The following FBXO40 variants were observed in gnomAD, a reference collection of about 807,000 sequenced individuals.
FBXO40 encodes the protein F-box protein 40.
A neutral mutation model predicts 49.9 loss-of-function variants in FBXO40; 50 were observed. The ratio of observed to expected loss-of-function variants is 1.00; its 90% CI spans 0.80 to 1.27. FBXO40 has a LOEUF of 1.27. Among genes scored for constraint, FBXO40 ranks in the 50% most tolerant of loss-of-function variants. The pLI is 0.00. For missense variants in FBXO40, 895 were observed against 870.1 expected (o/e 1.03, Z -0.36); for synonymous variants, 340 against 320.2 (o/e 1.06, Z -0.66).
intron 1 of FBXO40, among the ~76,000 whole-genome samples, chr3:121,598,697 C>G (rs930118460): frequency 6.6e-6 from 1 of 152,112 alleles, no homozygotes; most frequent in African/African-American, 2.4e-5. Flanking sequence ...AAGAAGTGGG[C>G]AGAATTTGCC....
chr3:121,624,585 G>A (rs753857604), intron 3 of FBXO40, among the ~76,000 whole-genome samples: 34 of 152,256 alleles, frequency 2.2e-4, no homozygotes, highest in Non-Finnish European at 3.2e-4. Flanking sequence ...TAAATGGAGC[G>A]TGTCAGCAGG....
chr3:121,607,707 G>A (rs1239062726), intron 1 of FBXO40, among the ~76,000 whole-genome samples: 1 of 152,094 alleles, frequency 6.6e-6, no homozygotes, highest in African/African-American at 2.4e-5. Context: ...CCCCTACATA[G>A]AGGCATTTAA....
chr3:121,628,330 T>C lies in FBXO40; in HGVS notation c.*1420T>C, dbSNP rs976136009. ...TAGCTGGGATTACTCGCCTGGCTAA[T>C]TTTGTATTTTTAGTAGAGACGGGCT... On this transcript the variant is annotated 3_prime_UTR_variant, in exon 4 of 4. Coordinates refer to ENST00000338040, the MANE Select transcript of FBXO40 (RefSeq NM_016298.4). 6.5e-6 allele frequency: 1 copy of C among 153,642 alleles called. No homozygotes were observed. The highest frequency in any genetic ancestry group is 2.4e-5 in the African/African-American group (1 of 41,470). 9.5% of individuals were successfully genotyped at this position (153,642 alleles called of 1,614,324 possible). A position where few individuals can be genotyped will look rare whatever the true frequency, so the allele number is the denominator to read the frequency against.
At chr3:121,613,055 G>T (rs185429447) in intron 1 of FBXO40, among the ~76,000 whole-genome samples, 1 of 142,116 alleles carries the variant, frequency 7.0e-6, no homozygotes, top group Admixed American at 7.4e-5. Flanking sequence ...GGGCGACAGA[G>T]CAAGACTCCG....
At chr3:121,621,245 A>G (rs2049027808) in intron 2 of FBXO40, among the ~76,000 whole-genome samples, 188 bp from the exon 3 acceptor site, 1 of 152,206 alleles carries the variant, frequency 6.6e-6, no homozygotes, top group Non-Finnish European at 1.5e-5. Context: ...AAACTATTGG[A>G]AAATTCTAAA....
intron 3 of FBXO40, among the ~76,000 whole-genome samples, chr3:121,624,586 T>C (rs911019778): frequency 2.6e-5 from 4 of 152,152 alleles, no homozygotes; most frequent in African/African-American, 9.7e-5. Context: ...AAATGGAGCG[T>C]GTCAGCAGGA....
intron 1 of FBXO40, among the ~76,000 whole-genome samples, chr3:121,597,658 C>T (rs1447694362): frequency 3.9e-5 from 5 of 127,820 alleles, no homozygotes; most frequent in Non-Finnish European, 8.0e-5. Flanking sequence ...TTATAGGCCC[C>T]CTTTTTTTTT....
At chr3:121,615,220 A>G (rs1287418317) in intron 1 of FBXO40, among the ~76,000 whole-genome samples, 14 of 150,030 alleles carry the variant, frequency 9.3e-5, no homozygotes, top group African/African-American at 3.4e-4. Context: ...AAAAAAAAAA[A>G]AGTAGCACAT....
At chr3:121,601,794 T>A (rs1376100374) in intron 1 of FBXO40, among the ~76,000 whole-genome samples, 1 of 152,232 alleles carries the variant, frequency 6.6e-6, no homozygotes, top group African/African-American at 2.4e-5. Flanking sequence ...TTTCCCCTTC[T>A]TTCCCACCTA....
Position 121,626,770 on chromosome 3 carries a change from C to G in FBXO40, c.1990C>G (p.Leu664Val). Reference sequence around the variant, plus strand: ...TGAAGTCACCTCCATGTCTGAGCACCTGAAGTCCTGTCCTTTCAACATTGT... The same window carrying G: ...TGAAGTCACCTCCATGTCTGAGCACGTGAAGTCCTGTCCTTTCAACATTGT... ...FNEVTSMSEHLKSCPFNIVEH... is the reference protein window; with the variant it reads ...FNEVTSMSEHVKSCPFNIVEH... The change falls in exon 4 of 4, where the codon CTG becomes GTG. Residue 664 changes from leucine (L) to valine (V), a missense_variant. By Grantham distance (32) the Leu-to-Val change is conservative. Coordinates refer to ENST00000338040, the MANE Select transcript of FBXO40 (RefSeq NM_016298.4). 1 of 1,614,142 alleles carries G rather than the reference C, an allele frequency of 6.2e-7. No homozygotes were observed. Among genetic ancestry groups the G allele is most frequent in the Non-Finnish European group, 8.5e-7 (1 of 1,180,034 alleles).
At chr3:121,596,771 C>T (rs1462699047) in intron 1 of FBXO40, among the ~76,000 whole-genome samples, 1 of 151,950 alleles carries the variant, frequency 6.6e-6, no homozygotes, top group Non-Finnish European at 1.5e-5. Context: ...TTCCTTTTCA[C>T]CTTAAAAAAA....
At position 121,622,664 on chromosome 3, in the gene FBXO40, TCATCTC is replaced by T. The variant is rs2049039898; in HGVS notation, c.1236_1241del (p.Ile413_Ser414del). On this transcript the variant is annotated inframe_deletion, in exon 3 of 4. Transcript: ENST00000338040. ...TTGGAAAGAGAACTCAAAGGCCACG[TCATCTC>T]TGAATCCAGAAGCATTGATGGACTG... 2 of 1,614,106 alleles carry T rather than the reference TCATCTC, an allele frequency of 1.2e-6. No individual in the cohort carries two copies. The highest frequency in any genetic ancestry group is 2.7e-5 in the African/African-American group (2 of 74,948).
Position 121,596,774 on chromosome 3 carries a change from T to TA in FBXO40, c.-31+3282dup, listed in dbSNP as rs1255349671. ...AGTTGAAATGATTTCCTTTTCACCT[T>TA]AAAAAAAAAAGCAGCCCCAATTAGC... On this transcript the variant is annotated intron_variant, in intron 1 of 3. Coordinates refer to ENST00000338040, the MANE Select transcript of FBXO40 (RefSeq NM_016298.4). Among the ~76,000 whole-genome samples, 25 of 147,776 alleles carry TA rather than the reference T, an allele frequency of 1.7e-4. 1 individual carries two copies. The highest frequency in any genetic ancestry group is 8.6e-4 in the South Asian group (4 of 4,646).
chr3:121,629,062 T>C lies in FBXO40; in HGVS notation c.*2152T>C, dbSNP rs1157442725. 2 of 152,190 alleles carry C rather than the reference T, an allele frequency of 1.3e-5. No individual in the cohort carries two copies. The highest frequency in any genetic ancestry group is 6.5e-5 in the Admixed American group (1 of 15,284). 9.4% of individuals were successfully genotyped at this position (152,190 alleles called of 1,614,324 possible). A position where few individuals can be genotyped will look rare whatever the true frequency, so the allele number is the denominator to read the frequency against. Reference sequence around the variant, plus strand: ...AAAGAAACAATCTAGTCAATCTGGGTGCTTTTATTTCCTGGGTTCTCTCTA... The same window carrying C: ...AAAGAAACAATCTAGTCAATCTGGGCGCTTTTATTTCCTGGGTTCTCTCTA... On this transcript the variant is annotated 3_prime_UTR_variant, in exon 4 of 4. Coordinates refer to ENST00000338040, the MANE Select transcript of FBXO40 (RefSeq NM_016298.4).
At chr3:121,613,033 G>A (rs1442918810) in intron 1 of FBXO40, among the ~76,000 whole-genome samples, 2 of 148,418 alleles carry the variant, frequency 1.3e-5, no homozygotes, top group African/African-American at 5.0e-5. Flanking sequence ...TCCAGCCACT[G>A]CACTCCAGCC....
chr3:121,604,614 A>C (rs1191292676), intron 1 of FBXO40, among the ~76,000 whole-genome samples: 1 of 152,186 alleles, frequency 6.6e-6, no homozygotes, highest in African/African-American at 2.4e-5. Flanking sequence ...GGCCAAAGAA[A>C]TATTGTCTGA....
chr3:121,624,179 G>A (rs565618440), intron 3 of FBXO40, among the ~76,000 whole-genome samples: 42 of 150,544 alleles, frequency 2.8e-4, no homozygotes, highest in African/African-American at 9.0e-4. Flanking sequence ...TAGTAGAGAC[G>A]GGGTTTCTCC....
At chr3:121,607,166 G>A (rs975854193) in intron 1 of FBXO40, among the ~76,000 whole-genome samples, 2 of 151,086 alleles carry the variant, frequency 1.3e-5, no homozygotes, top group Non-Finnish European at 2.9e-5. Context: ...TTGGAAGGCT[G>A]AGGCAGGAGA....
In FBXO40 at chr3:121,622,712, C is replaced by T. The variant is rs369070659; in HGVS notation, c.1283C>T (p.Thr428Ile). Residue 428 changes from threonine to isoleucine, a missense_variant, in exon 3 of 4, where the codon ACA becomes ATA. Thr to Ile is a moderately conservative substitution (Grantham distance 89, BLOSUM62 -1). Transcript: ENST00000338040. ...SIDGLFMDFA[T>I]QTYNFEPEQF... ...GATGGACTGTTCATGGATTTTGCCA[C>T]ACAAACATACAACTTTGAGCCAGAA... 6.3e-5 allele frequency: 102 copies of T among 1,614,058 alleles called. No homozygotes were observed. The highest frequency in any genetic ancestry group is 8.3e-5 in the Non-Finnish European group (98 of 1,180,038).
Sources: allele counts gnomAD v4.1 joint callset (sites outside exome capture counted in the v4.1 genomes callset), GRCh38; gene constraint gnomAD v4.1.1; transcripts MANE v1.5; gene names NCBI Gene and HGNC (gene_info 2026-07-23, HGNC 2026-07-21).